The following CTDSPL2 variants were observed in gnomAD, a reference collection of about 807,000 sequenced individuals.
CTDSPL2 encodes CTD small phosphatase-like protein 2.
A neutral mutation model predicts 60.0 loss-of-function variants in CTDSPL2; 5 were observed. The ratio of observed to expected loss-of-function variants is 0.08; its 90% CI spans 0.04 to 0.18. The LOEUF is 0.18. Ranked by LOEUF, CTDSPL2 falls within the 10% of genes least tolerant of loss-of-function variation. CTDSPL2 has a pLI of 1.00. For synonymous variants in CTDSPL2, 186 were observed against 189.3 expected, an observed-to-expected ratio of 0.98 and a Z score of 0.14; for missense variants, 370 against 548.8, an observed-to-expected ratio of 0.67 and a Z score of 3.26.
chr15:44,493,118 G>T (rs765984917), intron 5 of CTDSPL2, among the ~76,000 whole-genome samples: 7 of 151,844 alleles, frequency 4.6e-5, no homozygotes, highest in Non-Finnish European at 1.0e-4. Flanking sequence ...TTGATGAATT[G>T]ACTCCTGAGG....
At chr15:44,491,971 C>T (rs1172561346) in intron 5 of CTDSPL2, among the ~76,000 whole-genome samples, 3 of 152,014 alleles carry the variant, frequency 2.0e-5, no homozygotes, top group Non-Finnish European at 4.4e-5. Context: ...TCAAGCGATT[C>T]GCCTGTCTCA....
At chr15:44,519,361 CAG>C (rs1359959796) in intron 11 of CTDSPL2, 66 bp downstream of exon 11, 132 of 1,285,892 alleles carry the variant, frequency 1.0e-4, no homozygotes, top group Non-Finnish European at 1.3e-4. Context: ...TGCTGCCAAA[CAG>C]AATATGATGG....
chr15:44,526,571 A>G lies in CTDSPL2; in HGVS notation c.*2397A>G, dbSNP rs1011443833. ...GAGAAAATTCCTTGAGGCCAAATTAATATATTTTTCTTTGTTATTTTATTT... is the reference window on the plus strand; with the variant it reads ...GAGAAAATTCCTTGAGGCCAAATTAGTATATTTTTCTTTGTTATTTTATTT... On this transcript the variant is annotated 3_prime_UTR_variant, in exon 13 of 13. Coordinates refer to ENST00000260327, the MANE Select transcript of CTDSPL2 (RefSeq NM_016396.3). The G allele has an allele frequency of 2.3e-4, 35 of 152,248 alleles. No individual in the cohort carries two copies. Among genetic ancestry groups the G allele is most frequent in the African/African-American group, 8.2e-4 (34 of 41,570 alleles). 9.4% of individuals were successfully genotyped at this position (152,248 alleles called of 1,614,324 possible).
chr15:44,462,632 A>G (rs2080595735), intron 2 of CTDSPL2, among the ~76,000 whole-genome samples: 1 of 151,316 alleles, frequency 6.6e-6, no homozygotes, highest in African/African-American at 2.4e-5. Flanking sequence ...CCTCATTCCT[A>G]ACAGGCCATG....
chr15:44,490,443 T>C (rs923913073), intron 4 of CTDSPL2, among the ~76,000 whole-genome samples: 8 of 152,214 alleles, frequency 5.3e-5, no homozygotes, highest in Admixed American at 2.6e-4. Context: ...GTCTTTGTTA[T>C]TGAGATGGAG....
At chr15:44,515,542 C>T (rs1268846570) in intron 10 of CTDSPL2, among the ~76,000 whole-genome samples, 2 of 152,088 alleles carry the variant, frequency 1.3e-5, no homozygotes, top group Non-Finnish European at 2.9e-5. Flanking sequence ...AATTTTTGAT[C>T]AAAAGCTGAG....
intron 2 of CTDSPL2, among the ~76,000 whole-genome samples, chr15:44,465,003 G>C (rs916223070): frequency 6.6e-6 from 1 of 152,118 alleles, no homozygotes; most frequent in Non-Finnish European, 1.5e-5. Context: ...ACCACACCTG[G>C]CCAAGAAAAC....
chr15:44,473,962 G>A (rs1373443374), intron 2 of CTDSPL2, among the ~76,000 whole-genome samples: 1 of 152,058 alleles, frequency 6.6e-6, no homozygotes, highest in African/African-American at 2.4e-5. Flanking sequence ...TCAGCTAGCT[G>A]GGACTACAGG....
intron 4 of CTDSPL2, 132 bp downstream of exon 4, chr15:44,486,832 C>T (rs1394025461): frequency 1.7e-6 from 1 of 580,144 alleles, no homozygotes; most frequent in Non-Finnish European, 2.8e-6. Context: ...CGCGATCTCC[C>T]CGCTCACTGC....
chr15:44,447,703 A>T (rs558398091), intron 1 of CTDSPL2: 3 of 153,470 alleles, frequency 2.0e-5, no homozygotes, highest in Admixed American at 1.3e-4. Context: ...CACATTCTTC[A>T]TCTTGATGTT....
Position 44,427,781 on chromosome 15 carries a change from C to G in CTDSPL2, c.-25+9C>G. 3 of 399,232 alleles carry G rather than the reference C, an allele frequency of 7.5e-6. No homozygotes were observed. The highest frequency in any genetic ancestry group is 2.1e-5 in the African/African-American group (1 of 48,780). The allele number at this position is 399,232 out of a possible 1,614,324, so 24.7% of individuals were successfully genotyped here. A position where few individuals can be genotyped will look rare whatever the true frequency, so the allele number is the denominator to read the frequency against. Reference sequence around the variant, plus strand: ...TCTGTCGTCACAGTTAGGTAATCCCCTTCGTCCAGACGCCGCCGCTGCTTC... The same window carrying G: ...TCTGTCGTCACAGTTAGGTAATCCCGTTCGTCCAGACGCCGCCGCTGCTTC... On this transcript the variant is annotated intron_variant, in intron 1 of 12. Coordinates refer to ENST00000260327, the MANE Select transcript of CTDSPL2 (RefSeq NM_016396.3).
rs143352969 is a variant in CTDSPL2, at chr15:44,476,308, C to T, written c.187-7916C>T. On this transcript the variant is annotated intron_variant, in intron 2 of 12. Coordinates refer to ENST00000260327, the MANE Select transcript of CTDSPL2 (RefSeq NM_016396.3). ...GTCTCGATCTCCTGACCTCATGATC[C>T]GCCCGCCCTGGCCTCCCAAAGTGCT... Among the ~76,000 whole-genome samples the T allele has an allele frequency of 2.7e-3, 409 of 152,164 alleles. 12 individuals carry two copies. The East Asian group carries it at 0.066, about 24-fold the overall frequency.
chr15:44,471,496 G>A (rs2080808863), intron 2 of CTDSPL2, among the ~76,000 whole-genome samples: 1 of 152,060 alleles, frequency 6.6e-6, no homozygotes, highest in Non-Finnish European at 1.5e-5. Context: ...ATATTCCTGT[G>A]AAACCATCAC....
intron 8 of CTDSPL2, among the ~76,000 whole-genome samples, chr15:44,503,093 C>T (rs993910994): frequency 6.6e-6 from 1 of 151,918 alleles, no homozygotes. Context: ...GTGGACTAGA[C>T]AGAGTATAGT....
chr15:44,507,893 G>C (rs546236568), intron 8 of CTDSPL2, among the ~76,000 whole-genome samples: 2 of 152,088 alleles, frequency 1.3e-5, no homozygotes, highest in East Asian at 1.9e-4. Context: ...GGTACTTTAC[G>C]TGTATTAACT....
intron 12 of CTDSPL2, among the ~76,000 whole-genome samples, chr15:44,522,974 T>G (rs2081808286): frequency 6.6e-6 from 1 of 152,056 alleles, no homozygotes; most frequent in South Asian, 2.1e-4. Flanking sequence ...GATGTAGTGG[T>G]GCACACCTAT....
chr15:44,527,871 A>AT lies in CTDSPL2; in HGVS notation c.*3704dup, dbSNP rs1051510473. ...CTCATGAGCTATAATTGAGTATAGT[A>AT]TTTTTTTAGTGCTGATGTCATTACT... On this transcript the variant is annotated 3_prime_UTR_variant, in exon 13 of 13. Transcript: ENST00000260327. The AT allele has an allele frequency of 3.9e-5, 6 of 152,116 alleles. No individual in the cohort carries two copies. The highest frequency in any genetic ancestry group is 7.2e-5 in the African/African-American group (3 of 41,420). The allele number at this position is 152,116 out of a possible 1,614,324, so 9.4% of individuals were successfully genotyped here. A position where few individuals can be genotyped will look rare whatever the true frequency, so the allele number is the denominator to read the frequency against.
chr15:44,496,366 A>T lies in CTDSPL2; in HGVS notation c.692-14A>T, dbSNP rs1401439472. The T allele has an allele frequency of 1.3e-6, 2 of 1,589,660 alleles. No individual in the cohort carries two copies. The highest frequency in any genetic ancestry group is 1.1e-5 in the South Asian group (1 of 88,620). On this transcript the variant is annotated splice_polypyrimidine_tract_variant and intron_variant, in intron 5 of 12. Transcript: ENST00000260327. ...AAGTAAAAGCAACATTTTTTCTTTC[A>T]CTATGTTAAATAGCACCAGTAACTC...
intron 8 of CTDSPL2, among the ~76,000 whole-genome samples, chr15:44,501,274 A>G (rs912436188): frequency 1.3e-5 from 2 of 152,130 alleles, no homozygotes; most frequent in East Asian, 1.9e-4. Context: ...TAGATAAACA[A>G]TGATTTTGAG....
Sources: allele counts gnomAD v4.1 joint callset (sites outside exome capture counted in the v4.1 genomes callset), GRCh38; gene constraint gnomAD v4.1.1; transcripts MANE v1.5; gene names NCBI Gene and HGNC (gene_info 2026-07-23, HGNC 2026-07-21).